NRP1: variants seen among roughly 807,000 people sequenced by gnomAD.
NRP1 encodes neuropilin-1.
NRP1 carries 35 observed loss-of-function variants against 106.7 expected under a neutral mutation model. The ratio of observed to expected loss-of-function variants is 0.33; its 90% CI spans 0.25 to 0.43. The LOEUF (loss-of-function observed/expected upper bound fraction) is 0.43, where lower values mean the gene tolerates loss of function less well. Among genes scored for constraint, NRP1 ranks in the 20% least tolerant of loss-of-function variants. The pLI is 1.00. For synonymous variants in NRP1, 437 were observed against 417.9 expected (o/e 1.05, Z -0.56); for missense variants, 1,024 against 1,170.4 (o/e 0.87, Z 1.83).
intron 9 of NRP1, chr10:33,211,158 A>C (rs1838271090): frequency 6.6e-6 from 1 of 152,236 alleles, no homozygotes; most frequent in Non-Finnish European, 1.5e-5. Context: ...TTACTACAGA[A>C]GAGTGATAGC....
At position 33,213,619 on chromosome 10, in the gene NRP1, T is replaced by C; in HGVS notation, c.1381A>G (p.Asn461Asp). Residue 461 changes from asparagine (N) to aspartate (D), a missense_variant, in exon 9 of 17, where the codon AAC becomes GAC. Asn to Asp is a conservative substitution (Grantham distance 23). Around this residue, in one of 5 missense-constraint regions of NRP1, gnomAD observed 562 missense variants for 620.3 expected, o/e 0.91. Coordinates refer to ENST00000374867, the MANE Select transcript of NRP1 (RefSeq NM_003873.7). ...GAGCGACTGGTTACCAGGCGGATGTTTTCAGGCATCCAGTTTCTGTCCCCT... is the reference window on the plus strand; with the variant it reads ...GAGCGACTGGTTACCAGGCGGATGTCTTCAGGCATCCAGTTTCTGTCCCCT... The part of the protein sequence containing the change: ...NQGDRNWMPE[N>D]IRLVTSRSGW... The C allele has an allele frequency of 6.2e-7, 1 of 1,614,088 alleles. No homozygotes were observed.
Position 33,203,992 on chromosome 10 carries a change from G to A in NRP1, c.1760-997C>T, listed in dbSNP as rs572378287. On this transcript the variant is annotated intron_variant, in intron 10 of 16. Transcript: ENST00000374867. Reference sequence around the variant, plus strand: ...CCTGACCTCATGATCCACCCGCCTCGGCCTCCCAACAAAGACTGCTTTTGA... The same window carrying A: ...CCTGACCTCATGATCCACCCGCCTCAGCCTCCCAACAAAGACTGCTTTTGA... Among the ~76,000 whole-genome samples, 161 of 85,724 alleles carry A rather than the reference G, an allele frequency of 1.9e-3. 29 individuals are homozygous for A. Among genetic ancestry groups the A allele is most frequent in the South Asian group, 0.015 (31 of 2,124 alleles). 56.2% of individuals were successfully genotyped at this position (85,724 alleles called of 152,430 possible).
chr10:33,307,115 A>G (rs769560531), intron 2 of NRP1, among the ~76,000 whole-genome samples: 1 of 152,228 alleles, frequency 6.6e-6, no homozygotes, highest in Admixed American at 6.5e-5. Context: ...TCCCAAGACT[A>G]TAACTAGGAT....
chr10:33,200,883 CAGG>C (rs1408780931), intron 11 of NRP1: 2 of 152,136 alleles, frequency 1.3e-5, no homozygotes, highest in Non-Finnish European at 2.9e-5. Flanking sequence ...GAATATGAAG[CAGG>C]AGAATGTCTT....
chr10:33,213,502 T>G lies in NRP1; in HGVS notation c.1498A>C (p.Ile500Leu). 1 of 1,614,016 alleles carries G rather than the reference T, an allele frequency of 6.2e-7. No homozygotes were observed. Among genetic ancestry groups the G allele is most frequent in the Non-Finnish European group, 8.5e-7 (1 of 1,180,004 alleles). ...GEEKIVRGII[I>L]QGGKHRENKV... ...TTCTCTCGGTGCTTCCCACCCTGAATGATGATGCCCCTCACGATCTTCTCC... is the reference window on the plus strand; with the variant it reads ...TTCTCTCGGTGCTTCCCACCCTGAAGGATGATGCCCCTCACGATCTTCTCC... The change falls in exon 9 of 17, where the codon ATT becomes CTT. Residue 500 changes from isoleucine (I) to leucine (L), a missense_variant. Coordinates refer to ENST00000374867, the MANE Select transcript of NRP1 (RefSeq NM_003873.7).
chr10:33,238,627 T>A (rs970739619), intron 6 of NRP1, among the ~76,000 whole-genome samples: 1 of 152,004 alleles, frequency 6.6e-6, no homozygotes, highest in Non-Finnish European at 1.5e-5. Flanking sequence ...AAAACTGGGG[T>A]GATGCAGGCA....
intron 2 of NRP1, among the ~76,000 whole-genome samples, chr10:33,277,298 C>T (rs931204408): frequency 6.6e-6 from 1 of 152,174 alleles, no homozygotes; most frequent in Non-Finnish European, 1.5e-5. Flanking sequence ...GGCTTCCTGC[C>T]AGAGCTGTCC....
intron 3 of NRP1, among the ~76,000 whole-genome samples, chr10:33,267,587 C>A (rs1211506326): frequency 1.3e-5 from 2 of 151,856 alleles, no homozygotes; most frequent in Non-Finnish European, 2.9e-5. Context: ...ATGGCACCCA[C>A]CCCCGTCCCC....
intron 2 of NRP1, among the ~76,000 whole-genome samples, chr10:33,294,613 G>A (rs917095845): frequency 1.0e-5 from 1 of 99,380 alleles, no homozygotes; most frequent in Non-Finnish European, 2.3e-5. Flanking sequence ...GTGAAACTCC[G>A]TCTCAAAAAA....
chr10:33,331,164 A>T (rs1848259565), intron 1 of NRP1, among the ~76,000 whole-genome samples: 1 of 152,210 alleles, frequency 6.6e-6, no homozygotes, highest in South Asian at 2.1e-4. Context: ...TAGCATTAAA[A>T]ACATTAAATC....
intron 10 of NRP1, among the ~76,000 whole-genome samples, chr10:33,206,892 G>A (rs1233077815): frequency 6.6e-6 from 1 of 152,210 alleles, no homozygotes; most frequent in Non-Finnish European, 1.5e-5. Context: ...TACTTGATAT[G>A]ACCGTCATAT....
intron 13 of NRP1, among the ~76,000 whole-genome samples, chr10:33,187,213 G>A (rs2383984): frequency 0.33 from 50,508 of 151,778 alleles, 8,886 homozygotes; most frequent in East Asian, 0.63. Flanking sequence ...ATCACACTGC[G>A]GCACCCATGT....
At chr10:33,331,985 T>A (rs546623589) in intron 1 of NRP1, among the ~76,000 whole-genome samples, 22 of 152,326 alleles carry the variant, frequency 1.4e-4, no homozygotes, top group African/African-American at 4.8e-4. Flanking sequence ...TCTAATAGAT[T>A]CCCTGTGGAA....
At chr10:33,324,283 A>G (rs886496603) in intron 2 of NRP1, among the ~76,000 whole-genome samples, 4 of 152,234 alleles carry the variant, frequency 2.6e-5, no homozygotes, top group Non-Finnish European at 4.4e-5. Context: ...AACTTTGGCC[A>G]GCAGTTCTTC....
intron 3 of NRP1, among the ~76,000 whole-genome samples, chr10:33,266,827 C>T (rs1213477126): frequency 2.0e-5 from 3 of 152,102 alleles, no homozygotes; most frequent in Non-Finnish European, 4.4e-5. Context: ...TGTTTAAAAA[C>T]GTGTACCATC....
intron 1 of NRP1, among the ~76,000 whole-genome samples, chr10:33,331,351 T>C (rs954024931): frequency 1.3e-5 from 2 of 152,176 alleles, no homozygotes; most frequent in African/African-American, 2.4e-5. Flanking sequence ...TCAGTGGGGA[T>C]TGTCTTTGAT....
rs542730098 is a variant in NRP1, at chr10:33,196,997, AGAATTTCACAGG to A, written c.1924+641_1924+652del. 8.5e-5 allele frequency among the ~76,000 whole-genome samples: 13 copies of A among 152,336 alleles called. No individual in the cohort carries two copies. In the South Asian group the frequency reaches 2.5e-3, roughly 29 times the overall value. On this transcript the variant is annotated intron_variant, in intron 12 of 16. Coordinates refer to ENST00000374867, the MANE Select transcript of NRP1 (RefSeq NM_003873.7). ...TTCCCTTCATGTACGTCTGCCGGGA[AGAATTTCACAGG>A]ATACTAACAAAACACAAAGGCCAGT...
In NRP1 at chr10:33,177,756, C is replaced by T. The variant is rs1446216899; in HGVS notation, c.*2320G>A. 2 of 152,538 alleles carry T rather than the reference C, an allele frequency of 1.3e-5. No individual in the cohort carries two copies. The highest frequency in any genetic ancestry group is 2.1e-4 in the South Asian group (1 of 4,808). The allele number at this position is 152,538 out of a possible 1,614,324, so 9.4% of individuals were successfully genotyped here. Reference sequence around the variant, plus strand: ...GTACAAAACATGAAGCAATAATATACCAGTAAAATGAAAACATTTTACTAC... The same window carrying T: ...GTACAAAACATGAAGCAATAATATATCAGTAAAATGAAAACATTTTACTAC... On this transcript the variant is annotated 3_prime_UTR_variant, in exon 17 of 17. Coordinates refer to ENST00000374867, the MANE Select transcript of NRP1 (RefSeq NM_003873.7).
At chr10:33,199,883 T>G (rs1422525919) in intron 11 of NRP1, among the ~76,000 whole-genome samples, 2 of 152,168 alleles carry the variant, frequency 1.3e-5, no homozygotes, top group Non-Finnish European at 2.9e-5. Flanking sequence ...TCAGAAATCA[T>G]GTTACATATC....
Sources: allele counts gnomAD v4.1 joint callset (sites outside exome capture counted in the v4.1 genomes callset), GRCh38; gene constraint gnomAD v4.1.1; regional missense constraint gnomAD v4.1.1; transcripts MANE v1.5; gene names NCBI Gene and HGNC (gene_info 2026-07-23, HGNC 2026-07-21).